Variants in CHD1L observed in about 807,000 individuals in gnomAD.
CHD1L encodes ATP-dependent chromatin remodeler CHD1L.
A neutral mutation model predicts 115.9 loss-of-function variants in CHD1L; 118 were observed. The observed-to-expected ratio is 1.02, with a 90% confidence interval of 0.88 to 1.19. CHD1L has a LOEUF of 1.19. Among genes scored for constraint, CHD1L ranks in the 50% most tolerant of loss-of-function variants. CHD1L has a pLI of 0.00. For missense variants in CHD1L, 1,179 were observed against 1,065.3 expected (o/e 1.11, Z -1.49); for synonymous variants, 411 against 387.1 (o/e 1.06, Z -0.72).
chr1:147,180,122 C>A, the CHD1L span, among the ~76,000 whole-genome samples: 5,602 of 152,036 alleles, frequency 0.037, 148 homozygotes, highest in South Asian at 0.095. Flanking sequence ...TGGAGGACTG[C>A]AATCATTTCT....
chr1:147,185,816 T>C, the CHD1L span, among the ~76,000 whole-genome samples: 1 of 152,206 alleles, frequency 6.6e-6, no homozygotes, highest in Non-Finnish European at 1.5e-5. Context: ...CTTCCACAGA[T>C]GAGAAAACAG....
intron 1 of CHD1L, among the ~76,000 whole-genome samples, chr1:147,248,537 C>T (rs1667361572): frequency 6.6e-6 from 1 of 152,164 alleles, no homozygotes; most frequent in South Asian, 2.1e-4. Context: ...GGTATACTTA[C>T]ACCATTTATA....
the CHD1L span, chr1:147,184,475 T>A: frequency 6.7e-6 from 10 of 1,499,084 alleles, no homozygotes; most frequent in Admixed American, 2.5e-4. This position sits in a 1 kb window ranked among gnomAD's most constrained non-coding sequence, Gnocchi z 4.4. Context: ...TCCAGGATAC[T>A]ACATTACATT....
At chr1:147,189,598 A>G in the CHD1L span, among the ~76,000 whole-genome samples, 1 of 152,164 alleles carries the variant, frequency 6.6e-6, no homozygotes, top group Non-Finnish European at 1.5e-5. Flanking sequence ...AAAAACACCC[A>G]GCGATTGAGC....
intron 14 of CHD1L, among the ~76,000 whole-genome samples, chr1:147,279,765 TATAC>T (rs1305993954): frequency 6.6e-6 from 1 of 152,144 alleles, no homozygotes; most frequent in Non-Finnish European, 1.5e-5. Context: ...ATTGGAGGCT[TATAC>T]ATTTTTTTTG....
chr1:147,225,002 C>A, the CHD1L span: 62 of 1,613,948 alleles, frequency 3.8e-5, no homozygotes, highest in East Asian at 7.8e-4. Flanking sequence ...ACTCCTCCCC[C>A]AATCACAGCA....
At chr1:147,237,309 CT>C in the CHD1L span, among the ~76,000 whole-genome samples, 1 of 152,140 alleles carries the variant, frequency 6.6e-6, no homozygotes, top group Non-Finnish European at 1.5e-5. Flanking sequence ...AGGTCTGCAG[CT>C]GTGGTTTGAG....
At chr1:147,173,143 A>G in the CHD1L span, 1 of 152,814 alleles carries the variant, frequency 6.5e-6, no homozygotes, top group African/African-American at 2.4e-5. Flanking sequence ...TCTACTAAAA[A>G]TACAAAAATT....
chr1:147,267,820 C>T (rs587691152), intron 9 of CHD1L, among the ~76,000 whole-genome samples: 1 of 152,246 alleles, frequency 6.6e-6, no homozygotes, highest in South Asian at 2.1e-4. Context: ...CATTCTTCAG[C>T]GTTTTTTTTC....
In CHD1L at chr1:147,261,271, C is replaced by G. The variant is rs77807327; in HGVS notation, c.576+1353C>G. 5.9e-3 allele frequency among the ~76,000 whole-genome samples: 896 copies of G among 152,258 alleles called. 5 individuals carry two copies. Among genetic ancestry groups the G allele is most frequent in the Non-Finnish European group, 9.3e-3 (634 of 68,016 alleles). ...GAGCAGAAATTTATTTATCACCGTT[C>G]TAGAGGCTGGGAAGTCCAAGATCAA... On this transcript the variant is annotated intron_variant, in intron 6 of 22. Transcript: ENST00000369258.
the CHD1L span, among the ~76,000 whole-genome samples, chr1:147,197,374 G>A: frequency 6.6e-6 from 1 of 152,098 alleles, no homozygotes; most frequent in Non-Finnish European, 1.5e-5. Flanking sequence ...AATATCTGCT[G>A]AATGAACAAA....
chr1:147,236,330 G>A, the CHD1L span, among the ~76,000 whole-genome samples: 2 of 152,136 alleles, frequency 1.3e-5, no homozygotes, highest in African/African-American at 4.8e-5. Flanking sequence ...CCTTCTTGTT[G>A]CCCACAATGT....
rs74121851 is a variant in CHD1L at position 147,266,208 on chromosome 1, T to C, written c.895+121T>C. 3.9e-3 allele frequency: 3,620 copies of C among 935,378 alleles called. 110 individuals carry two copies. In the African/African-American group the frequency reaches 0.057, roughly 15 times the overall value. The allele number at this position is 935,378 out of a possible 1,614,324, so 57.9% of individuals were successfully genotyped here. A position where few individuals can be genotyped will look rare whatever the true frequency, so the allele number is the denominator to read the frequency against. On this transcript the variant is annotated intron_variant, in intron 8 of 22. Transcript: ENST00000369258. ...GAATATGGGATGGAATTTTGTATTC[T>C]GAATAATTCTGGTCGGCTACAGTGG...
At chr1:147,182,710 G>T in the CHD1L span, among the ~76,000 whole-genome samples, 8 of 152,104 alleles carry the variant, frequency 5.3e-5, no homozygotes, top group Non-Finnish European at 1.0e-4. Flanking sequence ...AGAAGTTATG[G>T]GTGCGTCAAA....
the CHD1L span, among the ~76,000 whole-genome samples, chr1:147,194,069 C>T: frequency 3.9e-5 from 6 of 151,916 alleles, no homozygotes; most frequent in African/African-American, 1.2e-4. Flanking sequence ...CCTTGTTAAC[C>T]TTCTGTCTCG....
chr1:147,209,304 T>G, the CHD1L span, among the ~76,000 whole-genome samples: 7 of 151,886 alleles, frequency 4.6e-5, no homozygotes, highest in Admixed American at 1.3e-4. Flanking sequence ...CAGGCGTGGT[T>G]GCAGGTGCCT....
chr1:147,285,583 T>C (rs1237743818), intron 17 of CHD1L, 96 bp downstream of exon 17: 1 of 1,360,568 alleles, frequency 7.3e-7, no homozygotes, highest in Non-Finnish European at 9.9e-7. Flanking sequence ...ATACAGAAAA[T>C]TCATTTTAAG....
chr1:147,205,696 G>A, the CHD1L span, among the ~76,000 whole-genome samples: 7 of 152,146 alleles, frequency 4.6e-5, no homozygotes, highest in African/African-American at 1.4e-4. Flanking sequence ...ATGGTGCTGG[G>A]AAAACTGGCT....
chr1:147,229,295 G>C, the CHD1L span, among the ~76,000 whole-genome samples: 1 of 152,010 alleles, frequency 6.6e-6, no homozygotes, highest in African/African-American at 2.4e-5. Context: ...TTTTTGTGAG[G>C]TTTGTCAAAG....
Sources: gnomAD v4.1 joint callset for allele counts (sites outside exome capture counted in the v4.1 genomes callset) on GRCh38, gnomAD v4.1.1 for gene constraint, Gnocchi (gnomAD v3.1) non-coding constraint, MANE v1.5 for transcripts, NCBI Gene and HGNC (gene_info 2026-07-23, HGNC 2026-07-21) for gene names.